The following PDK1 variants were observed in gnomAD, a reference collection of about 807,000 sequenced individuals.
PDK1 encodes the protein pyruvate dehydrogenase kinase 1, also known as [Pyruvate dehydrogenase (acetyl-transferring)] kinase isozyme 1, mitochondrial.
Under a neutral mutation model 54.2 loss-of-function variants are expected in PDK1, and 39 were observed. The observed-to-expected ratio is 0.72, with a 90% confidence interval of 0.56 to 0.94. The LOEUF is 0.94. Among genes scored for constraint, PDK1 ranks in the 40% least tolerant of loss-of-function variants. The pLI is 0.00. For synonymous variants in PDK1, 221 were observed against 207.1 expected, an observed-to-expected ratio of 1.07 and a Z score of -0.58; for missense variants, 552 against 566.0, an observed-to-expected ratio of 0.98 and a Z score of 0.25.
At chr2:172,671,055 T>C in the PDK1 span, among the ~76,000 whole-genome samples, 1 of 151,742 alleles carries the variant, frequency 6.6e-6, no homozygotes, top group Non-Finnish European at 1.5e-5. Flanking sequence ...ATAGGAAGGA[T>C]GATAAAAAAT....
the PDK1 span, among the ~76,000 whole-genome samples, chr2:172,676,030 C>T: frequency 5.3e-5 from 8 of 151,992 alleles, no homozygotes; most frequent in Admixed American, 2.0e-4. Context: ...CAGATGACAG[C>T]ACATCTGTTT....
chr2:172,598,482 A>C lies in PDK1; in HGVS notation c.*2513A>C, dbSNP rs1225607713. 6.6e-6 allele frequency: 1 copy of C among 152,204 alleles called. No individual in the cohort carries two copies. Among genetic ancestry groups the C allele is most frequent in the Non-Finnish European group, 1.5e-5 (1 of 68,040 alleles). The allele number at this position is 152,204 out of a possible 1,614,324, so 9.4% of individuals were successfully genotyped here. A position where few individuals can be genotyped will look rare whatever the true frequency, so the allele number is the denominator to read the frequency against. On this transcript the variant is annotated 3_prime_UTR_variant, in exon 11 of 11. Transcript: ENST00000282077. ...AAGGTTTTTAGATTTTATAGGAGCT[A>C]ATTTGTCCACCAGCATTAATGTAAC...
chr2:172,636,970 A>G, the PDK1 span, among the ~76,000 whole-genome samples: 4 of 152,220 alleles, frequency 2.6e-5, no homozygotes, highest in African/African-American at 4.8e-5. Context: ...AAGGGTAAAC[A>G]GTAAGTCTCC....
At position 172,599,900 on chromosome 2, in the gene PDK1, A is replaced by G. The variant is rs1189434932; in HGVS notation, c.*3931A>G. 1 of 152,144 alleles carries G rather than the reference A, an allele frequency of 6.6e-6. No homozygotes were observed. The highest frequency in any genetic ancestry group is 1.5e-5 in the Non-Finnish European group (1 of 68,018). The allele number at this position is 152,144 out of a possible 1,614,324, so 9.4% of individuals were successfully genotyped here. ...TTGGGAATTGTGACAGCTGTCTTTT[A>G]CTTTGTTAAATTAGCAATTATTTAG... On this transcript the variant is annotated 3_prime_UTR_variant, in exon 11 of 11. Coordinates refer to ENST00000282077, the MANE Select transcript of PDK1 (RefSeq NM_002610.5).
At chr2:172,592,598 G>A (rs1164949901) in intron 9 of PDK1, among the ~76,000 whole-genome samples, 3 of 152,200 alleles carry the variant, frequency 2.0e-5, no homozygotes, top group East Asian at 3.9e-4. Context: ...GGAGAAGTCC[G>A]CAGACCAAGA....
chr2:172,605,636 A>G lies in PDK1; in HGVS notation c.*9667A>G, dbSNP rs2149322010. ...GTGATCCTCCTGCCTTGGCCTCCCA[A>G]AGTGTTGGGATAGCAGGCATGAACC... On this transcript the variant is annotated 3_prime_UTR_variant, in exon 11 of 11. Coordinates refer to ENST00000282077, the MANE Select transcript of PDK1 (RefSeq NM_002610.5). 6.6e-6 allele frequency: 1 copy of G among 152,312 alleles called. No individual in the cohort carries two copies. Among genetic ancestry groups the G allele is most frequent in the South Asian group, 2.1e-4 (1 of 4,820 alleles). The allele number at this position is 152,312 out of a possible 1,614,324, so 9.4% of individuals were successfully genotyped here.
chr2:172,643,900 G>A, the PDK1 span, among the ~76,000 whole-genome samples: 3 of 152,192 alleles, frequency 2.0e-5, no homozygotes, highest in Non-Finnish European at 4.4e-5. Context: ...TAGACAAATG[G>A]TATGTGGGCC....
At chr2:172,622,978 T>G in the PDK1 span, among the ~76,000 whole-genome samples, 1 of 150,892 alleles carries the variant, frequency 6.6e-6, no homozygotes, top group South Asian at 2.1e-4. Context: ...TCCTATTAGT[T>G]CTGTCCCTCT....
chr2:172,578,405 T>C (rs547048759), intron 8 of PDK1, among the ~76,000 whole-genome samples: 1 of 152,352 alleles, frequency 6.6e-6, no homozygotes, highest in Non-Finnish European at 1.5e-5. Context: ...AGTTCTCTTA[T>C]ATAATATCTA....
Position 172,564,972 on chromosome 2 carries a change from G to C in PDK1, c.596-6G>C. ...TATTTTGTTGGTTTTTTTCCTTTTTGGATAGCTTTATTGTTTGGTGGAAAA... is the reference window on the plus strand; with the variant it reads ...TATTTTGTTGGTTTTTTTCCTTTTTCGATAGCTTTATTGTTTGGTGGAAAA... On this transcript the variant is annotated splice_region_variant and splice_polypyrimidine_tract_variant and intron_variant, in intron 4 of 10. Transcript: ENST00000282077. 4 of 1,598,334 alleles carry C rather than the reference G, an allele frequency of 2.5e-6. No homozygotes were observed. The highest frequency in any genetic ancestry group is 3.4e-6 in the Non-Finnish European group (4 of 1,167,652).
chr2:172,654,799 C>T, the PDK1 span, among the ~76,000 whole-genome samples: 1 of 152,042 alleles, frequency 6.6e-6, no homozygotes, highest in Non-Finnish European at 1.5e-5. Flanking sequence ...CACTCTGCCT[C>T]GTGGAAAACC....
At chr2:172,570,381 A>G (rs1316880289) in intron 7 of PDK1, among the ~76,000 whole-genome samples, 2 of 152,242 alleles carry the variant, frequency 1.3e-5, no homozygotes, top group Non-Finnish European at 2.9e-5. Flanking sequence ...TTCTAAAAAT[A>G]TAGCTGAAAC....
rs765005051 is a variant in PDK1 at position 172,571,823 on chromosome 2, C to CGTTTTTTTTT, written c.945+999_945+1000insGTTTTTTTTT. 1.3e-3 allele frequency among the ~76,000 whole-genome samples: 126 copies of CGTTTTTTTTT among 99,782 alleles called. 10 individuals are homozygous for CGTTTTTTTTT. The highest frequency in any genetic ancestry group is 6.8e-3 in the Middle Eastern group (1 of 148). 65.5% of individuals were successfully genotyped at this position (99,782 alleles called of 152,430 possible). ...CTCAGAGATTCTTAGTCTTTCTTTA[C>CGTTTTTTTTT]TTTTTTTTTTTTTTTTTTTTTTTTT... On this transcript the variant is annotated intron_variant, in intron 8 of 10. Coordinates refer to ENST00000282077, the MANE Select transcript of PDK1 (RefSeq NM_002610.5).
intron 8 of PDK1, among the ~76,000 whole-genome samples, chr2:172,577,304 C>G (rs1382937876): frequency 6.6e-6 from 1 of 152,082 alleles, no homozygotes; most frequent in African/African-American, 2.4e-5. Flanking sequence ...ACTTTCCAGA[C>G]TTTTAGTTTA....
At chr2:172,650,526 G>T in the PDK1 span, among the ~76,000 whole-genome samples, 1 of 152,076 alleles carries the variant, frequency 6.6e-6, no homozygotes, top group African/African-American at 2.4e-5. Context: ...CCAATTAAAA[G>T]ACACAGACTG....
In PDK1 at chr2:172,608,197, A is replaced by G. The variant is rs902623109; in HGVS notation, c.*12228A>G. ...GGAGAAAAGAAATGGGATGATAATG[A>G]TATTGCTGTACTAAAGTCTATTTAG... On this transcript the variant is annotated 3_prime_UTR_variant, in exon 11 of 11. Transcript: ENST00000282077. 1 of 145,322 alleles carries G rather than the reference A, an allele frequency of 6.9e-6. No homozygotes were observed. The highest frequency in any genetic ancestry group is 2.7e-5 in the African/African-American group (1 of 37,380). The allele number at this position is 145,322 out of a possible 1,614,324, so 9.0% of individuals were successfully genotyped here. A position where few individuals can be genotyped will look rare whatever the true frequency, so the allele number is the denominator to read the frequency against.
the PDK1 span, among the ~76,000 whole-genome samples, chr2:172,636,794 C>T: frequency 2.6e-5 from 4 of 152,028 alleles, no homozygotes; most frequent in East Asian, 1.9e-4. Flanking sequence ...GGGATCTACC[C>T]GATGGTCCAT....
chr2:172,636,171 T>C, the PDK1 span, among the ~76,000 whole-genome samples: 1 of 152,208 alleles, frequency 6.6e-6, no homozygotes, highest in Non-Finnish European at 1.5e-5. Context: ...TATGTCTTCA[T>C]CTGTTTTGCT....
chr2:172,681,462 G>A, the PDK1 span, among the ~76,000 whole-genome samples: 3 of 152,226 alleles, frequency 2.0e-5, no homozygotes, highest in Non-Finnish European at 4.4e-5. Flanking sequence ...CTAACCATGA[G>A]ATAGAAAATG....
Sources: gnomAD v4.1 joint callset for allele counts (sites outside exome capture counted in the v4.1 genomes callset) on GRCh38, gnomAD v4.1.1 for gene constraint, MANE v1.5 for transcripts, NCBI Gene and HGNC (gene_info 2026-07-23, HGNC 2026-07-21) for gene names.